RB1: variants seen among roughly 807,000 people sequenced by gnomAD.
RB1 encodes the protein RB transcriptional corepressor 1.
In RB1, 18 loss-of-function variants were observed where a neutral mutation model predicts 135.4. The ratio of observed to expected loss-of-function variants is 0.13; its 90% CI spans 0.09 to 0.20. The LOEUF (loss-of-function observed/expected upper bound fraction) is 0.20. Among genes scored for constraint, RB1 ranks in the 10% least tolerant of loss-of-function variants. The pLI is 1.00. For missense variants in RB1, 868 were observed against 1,110.0 expected (o/e 0.78, Z 3.10); for synonymous variants, 365 against 373.2 (o/e 0.98, Z 0.25).
chr13:48,431,003 T>G (rs1416207637), intron 17 of RB1, among the ~76,000 whole-genome samples: 1 of 152,102 alleles, frequency 6.6e-6, no homozygotes, highest in African/African-American at 2.4e-5. Context: ...AAAAGATAGG[T>G]TTGACTAAAT....
chr13:48,416,971 G>A lies in RB1; in HGVS notation c.1695+35528G>A, dbSNP rs1269088462. Among the ~76,000 whole-genome samples, 8 of 152,324 alleles carry A rather than the reference G, an allele frequency of 5.3e-5. No individual in the cohort carries two copies. The East Asian group carries it at 1.4e-3, about 26-fold the overall frequency. ...CCCTGGGACAGAGCACCTGGGGGAA[G>A]GGTGCTATGGGTGGCTATTGGTGCA... On this transcript the variant is annotated intron_variant, in intron 17 of 26. Transcript: ENST00000267163.
In RB1 at chr13:48,411,137, A is replaced by G. The variant is rs984728733; in HGVS notation, c.1695+29694A>G. ...TAAGTCAGTCACTTTTAGACACTAA[A>G]TAACTTTAAGAGATTTTTTTTAATG... On this transcript the variant is annotated intron_variant, in intron 17 of 26. Coordinates refer to ENST00000267163, the MANE Select transcript of RB1 (RefSeq NM_000321.3). 32 of 350,648 alleles carry G rather than the reference A, an allele frequency of 9.1e-5. No homozygotes were observed. In the East Asian group the frequency reaches 1.6e-3, roughly 17 times the overall value. The allele number at this position is 350,648 out of a possible 1,614,324, so 21.7% of individuals were successfully genotyped here. A position where few individuals can be genotyped will look rare whatever the true frequency, so the allele number is the denominator to read the frequency against.
chr13:48,375,098 C>T (rs1032472237), intron 12 of RB1, among the ~76,000 whole-genome samples: 11 of 152,088 alleles, frequency 7.2e-5, no homozygotes, highest in Non-Finnish European at 1.5e-4. Flanking sequence ...ACCACATTTT[C>T]TTTATCCAAT....
At chr13:48,307,158 T>TA in intron 1 of RB1, 122 bp from the exon 2 acceptor site, 1 of 733,398 alleles carries the variant, frequency 1.4e-6, no homozygotes, top group Admixed American at 2.8e-5. Flanking sequence ...AATAAGATCT[T>TA]AAAGTATTTA....
intron 9 of RB1, 94 bp downstream of exon 9, chr13:48,365,065 C>A: frequency 7.1e-7 from 1 of 1,406,128 alleles, no homozygotes; most frequent in Non-Finnish European, 9.4e-7. Flanking sequence ...TACTGTGTAT[C>A]ACATTTTTTT....
chr13:48,446,103 G>A (rs1052677159), intron 17 of RB1, among the ~76,000 whole-genome samples: 1 of 152,056 alleles, frequency 6.6e-6, no homozygotes, highest in Non-Finnish European at 1.5e-5. Flanking sequence ...GATTATAGGT[G>A]CGTGCCACCA....
intron 2 of RB1, among the ~76,000 whole-genome samples, chr13:48,340,621 T>C (rs917549532): frequency 4.0e-5 from 6 of 150,228 alleles, no homozygotes; most frequent in African/African-American, 1.5e-4. Context: ...TGAAAGGACA[T>C]ATATTGAGAG....
chr13:48,318,688 G>T, intron 2 of RB1: 1 of 617,596 alleles, frequency 1.6e-6, no homozygotes, highest in Non-Finnish European at 2.9e-6. Flanking sequence ...CTCATGGCAT[G>T]GCCGCCGCCT....
At chr13:48,350,084 A>G (rs1245770192) in intron 6 of RB1, among the ~76,000 whole-genome samples, 1 of 152,260 alleles carries the variant, frequency 6.6e-6, no homozygotes, top group Admixed American at 6.5e-5. Context: ...CCCCAATACA[A>G]TAGAAATAGC....
intron 17 of RB1, among the ~76,000 whole-genome samples, chr13:48,450,039 G>A (rs2138323603): frequency 6.7e-6 from 1 of 149,608 alleles, no homozygotes; most frequent in East Asian, 2.1e-4. Flanking sequence ...TGGATAGATT[G>A]CAAAAATTTT....
intron 23 of RB1, among the ~76,000 whole-genome samples, chr13:48,472,281 C>G (rs1298712448): frequency 1.3e-5 from 2 of 152,042 alleles, no homozygotes; most frequent in Admixed American, 6.6e-5. Flanking sequence ...AGTACGTACT[C>G]ATTATAAAAA....
chr13:48,332,416 A>C (rs1008747950), intron 2 of RB1, among the ~76,000 whole-genome samples: 2 of 152,184 alleles, frequency 1.3e-5, no homozygotes, highest in Non-Finnish European at 2.9e-5. Context: ...GAAAAATTAA[A>C]AAAAATTTTA....
chr13:48,474,376 A>C (rs192130694), intron 24 of RB1, among the ~76,000 whole-genome samples: 2 of 152,254 alleles, frequency 1.3e-5, no homozygotes, highest in East Asian at 3.9e-4. Context: ...TGGTCCCATC[A>C]CCCTTATCAC....
intron 17 of RB1, among the ~76,000 whole-genome samples, chr13:48,446,451 A>C (rs570579473): frequency 6.6e-6 from 1 of 152,236 alleles, no homozygotes; most frequent in Non-Finnish European, 1.5e-5. Context: ...GCCTTCCTGC[A>C]TCTTGCTTGC....
chr13:48,404,579 T>A (rs198608), intron 17 of RB1, among the ~76,000 whole-genome samples: 118,837 of 151,788 alleles, frequency 0.78, 52,195 homozygotes, highest in Non-Finnish European at 0.97. Context: ...CAGGCTGGAG[T>A]GCAATGGTGT....
intron 17 of RB1, among the ~76,000 whole-genome samples, chr13:48,432,361 A>G (rs1469540192): frequency 1.3e-5 from 2 of 150,174 alleles, no homozygotes; most frequent in African/African-American, 4.9e-5. Flanking sequence ...AAGATTCTAC[A>G]TTTCTGCTTC....
intron 17 of RB1, chr13:48,411,507 T>G: frequency 6.2e-7 from 1 of 1,612,688 alleles, no homozygotes; most frequent in Non-Finnish European, 8.5e-7. Flanking sequence ...GACAGACCAG[T>G]TTTTCATTTT....
chr13:48,387,490 G>A (rs1448554860), intron 17 of RB1, among the ~76,000 whole-genome samples: 1 of 152,102 alleles, frequency 6.6e-6, no homozygotes, highest in Non-Finnish European at 1.5e-5. Flanking sequence ...TCCACAAGAG[G>A]CAATTCAGTA....
intron 17 of RB1, among the ~76,000 whole-genome samples, chr13:48,440,757 GCTTAA>G (rs1192354778): frequency 1.3e-5 from 2 of 152,072 alleles, no homozygotes; most frequent in Non-Finnish European, 2.9e-5. Context: ...TCTTATACTT[GCTTAA>G]CTTTTCATTT....
Sources: gnomAD v4.1 joint callset for allele counts (sites outside exome capture counted in the v4.1 genomes callset) on GRCh38, gnomAD v4.1.1 for gene constraint, MANE v1.5 for transcripts, NCBI Gene and HGNC (gene_info 2026-07-23, HGNC 2026-07-21) for gene names.